The following JMY variants were observed in gnomAD, a reference collection of about 807,000 sequenced individuals.
JMY encodes junction mediating and regulatory protein, p53 cofactor.
Under a neutral mutation model 103.3 loss-of-function variants are expected in JMY, and 46 were observed. That is an observed-to-expected ratio of 0.45 (90% CI 0.35 to 0.57). The LOEUF (loss-of-function observed/expected upper bound fraction) is 0.57. JMY is among the 20% of genes least tolerant of loss of function. JMY has a pLI of 0.00. For missense variants in JMY, 1,238 were observed against 1,255.2 expected (o/e 0.99, Z 0.21); for synonymous variants, 526 against 489.3 (o/e 1.07, Z -0.99).
chr5:79,270,365 G>A (rs867936563), intron 1 of JMY, among the ~76,000 whole-genome samples: 1,460 of 112,010 alleles, frequency 0.013, 5 homozygotes, highest in South Asian at 0.018. Flanking sequence ...TATTTAAAAT[G>A]TATATTTACA....
intron 4 of JMY, among the ~76,000 whole-genome samples, chr5:79,297,904 T>A (rs1011346930): frequency 7.2e-5 from 11 of 152,196 alleles, no homozygotes; most frequent in Non-Finnish European, 1.5e-5. Context: ...ACTTCCTTTC[T>A]CAGTTTGATT....
At chr5:79,297,965 A>G (rs757183601) in intron 4 of JMY, among the ~76,000 whole-genome samples, 4 of 152,196 alleles carry the variant, frequency 2.6e-5, no homozygotes, top group Non-Finnish European at 5.9e-5. Flanking sequence ...GTGCTTTTAA[A>G]GTACCCTGGC....
chr5:79,326,633 T>C lies in JMY; in HGVS notation c.*5031T>C, dbSNP rs1747656025. On this transcript the variant is annotated 3_prime_UTR_variant, in exon 11 of 11. Transcript: ENST00000396137. ...ATGTAGTTAATGAAAAATGGAAGGC[T>C]GCAGATTATTTTGCATGAATAATTA... is the stretch of plus-strand genomic sequence containing the variant. 1 of 152,228 alleles carries C rather than the reference T, an allele frequency of 6.6e-6. No homozygotes were observed. Among genetic ancestry groups the C allele is most frequent in the East Asian group, 1.9e-4 (1 of 5,196 alleles). 9.4% of individuals were successfully genotyped at this position (152,228 alleles called of 1,614,324 possible).
chr5:79,236,523 C>A lies in JMY; in HGVS notation c.-128C>A, dbSNP rs1032068188. On this transcript the variant is annotated 5_prime_UTR_variant, in exon 1 of 11. Coordinates refer to ENST00000396137, the MANE Select transcript of JMY (RefSeq NM_152405.5). ...GGGACAGGCGAACGAGCCGGGAGAGCCGGCCGGCGCACTAAGATGGCTGAA... is the reference window on the plus strand; with the variant it reads ...GGGACAGGCGAACGAGCCGGGAGAGACGGCCGGCGCACTAAGATGGCTGAA... 6.1e-6 allele frequency: 4 copies of A among 652,930 alleles called. No individual in the cohort carries two copies. The East Asian group carries it at 1.4e-4, about 23-fold the overall frequency. 40.4% of individuals were successfully genotyped at this position (652,930 alleles called of 1,614,324 possible).
chr5:79,236,425 T>G lies in JMY; in HGVS notation c.-226T>G. The G allele has an allele frequency of 2.6e-6, 1 of 379,758 alleles. No individual in the cohort carries two copies. The highest frequency in any genetic ancestry group is 4.6e-6 in the Non-Finnish European group (1 of 215,312). The allele number at this position is 379,758 out of a possible 1,614,324, so 23.5% of individuals were successfully genotyped here. On this transcript the variant is annotated 5_prime_UTR_variant, in exon 1 of 11. Transcript: ENST00000396137. ...TCCGGCCGCAGGTGACCATGTGAAC[T>G]ACCTGCTCCCGGGACGCTTATTGTC... is the stretch of plus-strand genomic sequence containing the variant.
intron 1 of JMY, among the ~76,000 whole-genome samples, chr5:79,254,195 G>A (rs1745172789): frequency 6.6e-6 from 1 of 151,350 alleles, no homozygotes; most frequent in African/African-American, 2.4e-5. Flanking sequence ...CCTCGTTCGT[G>A]ATCTGCCCGC....
At chr5:79,251,129 C>G (rs1399193128) in intron 1 of JMY, among the ~76,000 whole-genome samples, 9 of 151,902 alleles carry the variant, frequency 5.9e-5, no homozygotes, top group Admixed American at 2.0e-4. Context: ...GGAAAAAAGT[C>G]AAGTTATTTG....
chr5:79,240,146 G>T (rs1046396499), intron 1 of JMY, among the ~76,000 whole-genome samples: 1 of 151,712 alleles, frequency 6.6e-6, no homozygotes, highest in Non-Finnish European at 1.5e-5. Context: ...CTCCTGAGTA[G>T]CTGGGATTAT....
chr5:79,320,434 G>A (rs989821003), intron 10 of JMY, among the ~76,000 whole-genome samples: 4 of 151,538 alleles, frequency 2.6e-5, no homozygotes, highest in South Asian at 4.2e-4. Context: ...TCCATCTCCC[G>A]GGTTCAATCT....
intron 2 of JMY, chr5:79,284,268 T>G (rs1186768712): frequency 6.7e-7 from 1 of 1,493,308 alleles, no homozygotes; most frequent in African/African-American, 1.4e-5. Flanking sequence ...AAACTTGGGC[T>G]TCTTCAGCAT....
intron 1 of JMY, among the ~76,000 whole-genome samples, chr5:79,239,744 A>G (rs561231421): frequency 6.6e-6 from 1 of 151,132 alleles, no homozygotes; most frequent in East Asian, 2.0e-4. Context: ...CAGGAGGCGT[A>G]GCTTGCAATG....
chr5:79,276,715 T>C (rs1470113124), intron 1 of JMY, among the ~76,000 whole-genome samples: 1 of 152,186 alleles, frequency 6.6e-6, no homozygotes, highest in Admixed American at 6.5e-5. Flanking sequence ...CAATTGATTC[T>C]CCTGCCTCAG....
At chr5:79,301,503 C>G (rs2112108228) in intron 6 of JMY, among the ~76,000 whole-genome samples, 1 of 152,310 alleles carries the variant, frequency 6.6e-6, no homozygotes, top group South Asian at 2.1e-4. Context: ...TCACCACATT[C>G]CAAGGCTACC....
intron 2 of JMY, among the ~76,000 whole-genome samples, chr5:79,283,388 T>C (rs1350149412): frequency 6.6e-6 from 1 of 152,228 alleles, no homozygotes; most frequent in Non-Finnish European, 1.5e-5. Flanking sequence ...TGATTTCCAA[T>C]GGTTTCATTA....
At chr5:79,270,418 T>TATATATTTACATAAATATTTAAA (rs1745720474) in intron 1 of JMY, among the ~76,000 whole-genome samples, 1 of 90,382 alleles carries the variant, frequency 1.1e-5, no homozygotes, top group Non-Finnish European at 2.3e-5. Flanking sequence ...ATATTTAAAA[T>TATATATTTACATAAATATTTAAA]ATATATTTAC....
At chr5:79,314,084 C>T (rs1747131068) in intron 8 of JMY, among the ~76,000 whole-genome samples, 173 bp from the exon 9 acceptor site, 1 of 152,226 alleles carries the variant, frequency 6.6e-6, no homozygotes. Flanking sequence ...GTCTCAAACT[C>T]CTGATCTCAG....
intron 6 of JMY, among the ~76,000 whole-genome samples, chr5:79,305,442 C>T (rs1746852308): frequency 6.6e-6 from 1 of 151,384 alleles, no homozygotes; most frequent in South Asian, 2.1e-4. Context: ...AACAGTGAGA[C>T]TCCATCTCAA....
chr5:79,320,373 T>C (rs2112127602), intron 10 of JMY, among the ~76,000 whole-genome samples: 1 of 151,378 alleles, frequency 6.6e-6, no homozygotes, highest in East Asian at 2.0e-4. Flanking sequence ...GGAGTCTCAC[T>C]GTGTCAGCCA....
intron 7 of JMY, among the ~76,000 whole-genome samples, chr5:79,310,610 A>G (rs540727174): frequency 1.3e-5 from 2 of 152,318 alleles, no homozygotes; most frequent in Non-Finnish European, 2.9e-5. Flanking sequence ...ACAGATTCTT[A>G]GATGTTAACC....
Sources: gnomAD v4.1 joint callset for allele counts (sites outside exome capture counted in the v4.1 genomes callset) on GRCh38, gnomAD v4.1.1 for gene constraint, MANE v1.5 for transcripts, NCBI Gene and HGNC (gene_info 2026-07-23, HGNC 2026-07-21) for gene names.